Variants in ITCH observed in about 807,000 individuals in gnomAD.
The protein encoded by ITCH is E3 ubiquitin-protein ligase Itchy homolog.
In ITCH, 28 loss-of-function variants were observed where a neutral mutation model predicts 126.8. The observed-to-expected ratio is 0.22, with a 90% CI of 0.16 to 0.30. The LOEUF (loss-of-function observed/expected upper bound fraction) is 0.30. Ranked by LOEUF, ITCH falls within the 10% of genes least tolerant of loss-of-function variation. The pLI is 1.00. For synonymous variants in ITCH, 342 were observed against 340.0 expected (o/e 1.01, Z -0.06); for missense variants, 631 against 1,032.4 (o/e 0.61, Z 5.33).
intron 11 of ITCH, 126 bp downstream of exon 11, chr20:34,445,587 G>A (rs1341841026): frequency 3.4e-6 from 3 of 872,416 alleles, no homozygotes; most frequent in Admixed American, 4.2e-5. Context: ...GCTGTTAGTA[G>A]GTATTATTTT....
intron 16 of ITCH, among the ~76,000 whole-genome samples, chr20:34,474,389 C>T (rs973311065): frequency 1.3e-5 from 2 of 152,216 alleles, no homozygotes; most frequent in African/African-American, 4.8e-5. Context: ...TGTCTTCAAG[C>T]ATCTGTTTAA....
chr20:34,464,124 G>A (rs1190438000), intron 14 of ITCH, among the ~76,000 whole-genome samples: 12 of 150,056 alleles, frequency 8.0e-5, no homozygotes, highest in Non-Finnish European at 1.5e-5. Context: ...ACAGGCGCCC[G>A]CCACCATGCC....
chr20:34,502,796 A>G lies in ITCH; in HGVS notation c.2417-1535A>G, dbSNP rs987967344. Among the ~76,000 whole-genome samples the G allele has an allele frequency of 7.4e-5, 11 of 148,880 alleles. No homozygotes were observed. The East Asian group carries it at 1.8e-3, about 25-fold the overall frequency. Reference sequence around the variant, plus strand: ...CACTTTGGGAGGCCAAGGTGGGTTGATCACTTGAGGCCAGGAGTTCAAGAC... The same window carrying G: ...CACTTTGGGAGGCCAAGGTGGGTTGGTCACTTGAGGCCAGGAGTTCAAGAC... On this transcript the variant is annotated intron_variant, in intron 23 of 24. Coordinates refer to ENST00000374864, the MANE Select transcript of ITCH (RefSeq NM_031483.7).
intron 3 of ITCH, chr20:34,401,775 A>G (rs1486681714): frequency 3.6e-6 from 1 of 279,804 alleles, no homozygotes; most frequent in Non-Finnish European, 5.4e-6. Flanking sequence ...GGGAAAAAAA[A>G]CCACTAAGAT....
At position 34,454,817 on chromosome 20, in the gene ITCH, G is replaced by GTTT. The variant is rs200486269; in HGVS notation, c.1211-2546_1211-2544dup. On this transcript the variant is annotated intron_variant, in intron 12 of 24. Transcript: ENST00000374864. The stretch of plus-strand genomic sequence containing the variant: ...ACCAATTTTTCTTTTTTCTTTTCCT[G>GTTT]TTTTTTTTTTTTTTTTTTTTTTTTT... 1.5e-3 allele frequency among the ~76,000 whole-genome samples: 164 copies of GTTT among 109,502 alleles called. 10 individuals carry two copies. The highest frequency in any genetic ancestry group is 6.0e-3 in the East Asian group (21 of 3,500). 71.8% of individuals were successfully genotyped at this position (109,502 alleles called of 152,430 possible). A position where few individuals can be genotyped will look rare whatever the true frequency, so the allele number is the denominator to read the frequency against.
chr20:34,458,934 A>AT (rs1336832421), intron 13 of ITCH, among the ~76,000 whole-genome samples: 1 of 152,228 alleles, frequency 6.6e-6, no homozygotes, highest in Non-Finnish European at 1.5e-5. Flanking sequence ...AGTTCAACCC[A>AT]TAACAGTCTG....
rs559129191 is a variant in ITCH, at chr20:34,509,857, T to G, written c.*2063T>G. ...ATTCTCATACTGAAATGTAGTTACC[T>G]ACAATATTTACTAGAGATTTATGAA... is the stretch of plus-strand genomic sequence containing the variant. On this transcript the variant is annotated 3_prime_UTR_variant, in exon 25 of 25. Transcript: ENST00000374864. 2 of 152,760 alleles carry G rather than the reference T, an allele frequency of 1.3e-5. No individual in the cohort carries two copies. The highest frequency in any genetic ancestry group is 4.1e-4 in the South Asian group (2 of 4,826). 9.5% of individuals were successfully genotyped at this position (152,760 alleles called of 1,614,324 possible).
At position 34,417,875 on chromosome 20, in the gene ITCH, T is replaced by TA. The variant is rs1214922710; in HGVS notation, c.475+3997dup. 7.9e-5 allele frequency among the ~76,000 whole-genome samples: 12 copies of TA among 151,918 alleles called. No individual in the cohort carries two copies. In the South Asian group the frequency reaches 2.5e-3, roughly 32 times the overall value. ...GTTGTTTAGTACCAGTCTTCCCATTTATGACCTCTAACAAGAAACACAGAA... is the reference window on the plus strand; with the variant it reads ...GTTGTTTAGTACCAGTCTTCCCATTTAATGACCTCTAACAAGAAACACAGAA... On this transcript the variant is annotated intron_variant, in intron 6 of 24. Coordinates refer to ENST00000374864, the MANE Select transcript of ITCH (RefSeq NM_031483.7).
intron 17 of ITCH, 153 bp downstream of exon 17, chr20:34,478,013 CA>C (rs1418975913): frequency 1.0e-6 from 1 of 971,284 alleles, no homozygotes; most frequent in African/African-American, 1.7e-5. Flanking sequence ...TACAGAATTT[CA>C]AAAAACATTT....
intron 20 of ITCH, among the ~76,000 whole-genome samples, chr20:34,485,678 A>C (rs1354123270): frequency 1.3e-5 from 2 of 151,636 alleles, no homozygotes; most frequent in Non-Finnish European, 3.0e-5. Flanking sequence ...TTTTCTTACG[A>C]TACGTCTAGA....
chr20:34,444,523 C>T (rs1173026297), intron 10 of ITCH, among the ~76,000 whole-genome samples: 4 of 151,948 alleles, frequency 2.6e-5, no homozygotes, highest in Admixed American at 1.3e-4. Flanking sequence ...GCAGAGGTTG[C>T]GGTGAGCCAA....
At chr20:34,452,069 CAAAAAAAAAA>C (rs765697780) in intron 12 of ITCH, among the ~76,000 whole-genome samples, 1 of 53,316 alleles carries the variant, frequency 1.9e-5, no homozygotes, top group African/African-American at 6.9e-5. Context: ...GACCCTGTCT[CAAAAAAAAAA>C]AAAAAAAAAA....
At chr20:34,497,481 C>G (rs1989965585) in intron 23 of ITCH, among the ~76,000 whole-genome samples, 1 of 152,178 alleles carries the variant, frequency 6.6e-6, no homozygotes, top group African/African-American at 2.4e-5. Context: ...GCTTTTTGTT[C>G]AGAATGGCTT....
chr20:34,448,272 G>T (rs1013073709), intron 11 of ITCH, among the ~76,000 whole-genome samples: 3 of 151,824 alleles, frequency 2.0e-5, no homozygotes, highest in African/African-American at 7.3e-5. Context: ...GCGTGCCTGT[G>T]ATCCCAGCTA....
At chr20:34,484,658 G>C (rs1988984750) in intron 20 of ITCH, among the ~76,000 whole-genome samples, 1 of 152,114 alleles carries the variant, frequency 6.6e-6, no homozygotes, top group Non-Finnish European at 1.5e-5. Context: ...TTCAATAATG[G>C]CTTGCTTAAA....
intron 2 of ITCH, among the ~76,000 whole-genome samples, chr20:34,376,734 G>A (rs1185466065): frequency 6.6e-6 from 1 of 152,118 alleles, no homozygotes; most frequent in Non-Finnish European, 1.5e-5. Flanking sequence ...TGGCTGATAG[G>A]ATTAAATGGT....
At chr20:34,462,320 C>T (rs1986615385) in intron 14 of ITCH, 99 bp downstream of exon 14, 2 of 1,213,698 alleles carry the variant, frequency 1.6e-6, no homozygotes, top group Admixed American at 3.5e-5. Flanking sequence ...CTTAGTATTT[C>T]TTGAGTTAGC....
intron 24 of ITCH, among the ~76,000 whole-genome samples, chr20:34,504,935 C>A (rs1990524276): frequency 6.6e-6 from 1 of 152,090 alleles, no homozygotes; most frequent in Non-Finnish European, 1.5e-5. Context: ...ATGTTTTGTA[C>A]ATGCATGTAG....
chr20:34,376,998 C>T (rs551405807), intron 2 of ITCH, among the ~76,000 whole-genome samples: 2 of 152,266 alleles, frequency 1.3e-5, no homozygotes, highest in South Asian at 4.1e-4. Context: ...CTTGCTTTAT[C>T]CCTTACTCAG....
Sources: allele counts gnomAD v4.1 joint callset (sites outside exome capture counted in the v4.1 genomes callset), GRCh38; gene constraint gnomAD v4.1.1; transcripts MANE v1.5; gene names NCBI Gene and HGNC (gene_info 2026-07-23, HGNC 2026-07-21).